Variants in GBP1 observed in about 807,000 individuals in gnomAD.
GBP1 encodes the protein guanylate-binding protein 1.
GBP1 carries 64 observed loss-of-function variants against 69.5 expected under a neutral mutation model. The ratio of observed to expected loss-of-function variants is 0.92; its 90% CI spans 0.75 to 1.13. The LOEUF (loss-of-function observed/expected upper bound fraction) is 1.13. GBP1 is among the 50% of genes most tolerant of loss of function. The pLI is 0.00. For synonymous variants in GBP1, 250 were observed against 261.2 expected (o/e 0.96, Z 0.41); for missense variants, 630 against 704.1 (o/e 0.89, Z 1.19).
At position 89,053,591 on chromosome 1, in the gene GBP1, T is replaced by G. The variant is rs1679971535; in HGVS notation, c.1666-123A>C. ...CTCTGAGTCACGCAAGACGTAAATG[T>G]CATACTTTGGCCTATCATTGACCAA... is the stretch of plus-strand genomic sequence containing the variant. On this transcript the variant is annotated intron_variant, in intron 10 of 10. Coordinates refer to ENST00000370473, the MANE Select transcript of GBP1 (RefSeq NM_002053.3). 3.5e-6 allele frequency: 5 copies of G among 1,439,636 alleles called. No homozygotes were observed. In the Admixed American group the frequency reaches 1.3e-4, roughly 38 times the overall value. 89.2% of individuals were successfully genotyped at this position (1,439,636 alleles called of 1,614,324 possible). A position where few individuals can be genotyped will look rare whatever the true frequency, so the allele number is the denominator to read the frequency against.
At chr1:89,057,284 C>T in intron 6 of GBP1, 150 bp from the exon 7 acceptor site, 1 of 1,132,454 alleles carries the variant, frequency 8.8e-7, no homozygotes, top group Non-Finnish European at 1.2e-6. Flanking sequence ...GACTCTCAGA[C>T]CCTGTCCGAG....
At chr1:89,060,432 A>ACAC (rs1680151817) in intron 2 of GBP1, 108 bp from the exon 3 acceptor site, 1 of 994,826 alleles carries the variant, frequency 1.0e-6, no homozygotes, top group African/African-American at 1.7e-5. Context: ...TGAAACAACA[A>ACAC]TCAGTATTCA....
rs778412140 is a variant in GBP1, at chr1:89,059,320, A to G, written c.425T>C (p.Leu142Pro). 1 of 1,614,154 alleles carries G rather than the reference A, an allele frequency of 6.2e-7. No individual in the cohort carries two copies. The highest frequency in any genetic ancestry group is 1.1e-5 in the South Asian group (1 of 91,086). Residue 142 changes from leucine (L) to proline (P), a missense_variant, in exon 4 of 11, where the codon CTG becomes CCG. By Grantham distance (98) the Leu-to-Pro change is moderately conservative (BLOSUM62 -3). Coordinates refer to ENST00000370473, the MANE Select transcript of GBP1 (RefSeq NM_002053.3). ...GTTCTGGGTCACAAAAGGATACTAC[A>G]GTTGGTCCATAGCCTGCTGGTTGAT... is the stretch of plus-strand genomic sequence containing the variant. ...GTINQQAMDQ[L>P]YYVTELTHRI... is the part of the protein sequence containing the mutation.
chr1:89,058,801 GT>G (rs1391493964), intron 5 of GBP1, 39 bp downstream of exon 5: 49 of 1,597,544 alleles, frequency 3.1e-5, no homozygotes, highest in Non-Finnish European at 3.9e-5. Flanking sequence ...AATTTCTTGT[GT>G]TTTCTCATCC....
intron 6 of GBP1, 116 bp from the exon 7 acceptor site, chr1:89,057,250 T>C: frequency 7.1e-7 from 1 of 1,400,712 alleles, no homozygotes; most frequent in Non-Finnish European, 9.7e-7. Flanking sequence ...GTCCTCAGCA[T>C]CACTTGGAAG....
chr1:89,064,240 T>TGTGAGAGAGA (rs1243424526), intron 1 of GBP1, among the ~76,000 whole-genome samples: 11 of 100,068 alleles, frequency 1.1e-4, no homozygotes, highest in Non-Finnish European at 1.4e-4. Flanking sequence ...TGTGTGTGTG[T>TGTGAGAGAGA]GAGAGAGAGA....
rs1680114699 is a variant in GBP1 at position 89,059,007 on chromosome 1, T to C, written c.465A>G (p.Lys155=). 1.9e-6 allele frequency: 3 copies of C among 1,614,120 alleles called. No individual in the cohort carries two copies. Among genetic ancestry groups the C allele is most frequent in the Non-Finnish European group, 2.5e-6 (3 of 1,180,016 alleles). The change falls in exon 5 of 11, where the codon AAA becomes AAG. Residue 155 remains lysine (K), a synonymous_variant. Coordinates refer to ENST00000370473, the MANE Select transcript of GBP1 (RefSeq NM_002053.3). The part of the protein sequence containing the change: ...VTELTHRIRS[K]SSPDENENEV... Reference sequence around the variant, plus strand: ...CATTCTCATTCTCATCAGGTGAGGATTTTGATCGGATTCTATGTGTCAGCT... The same window carrying C: ...CATTCTCATTCTCATCAGGTGAGGACTTTGATCGGATTCTATGTGTCAGCT...
At chr1:89,058,557 T>A in intron 5 of GBP1, 2 of 551,638 alleles carry the variant, frequency 3.6e-6, no homozygotes, top group Non-Finnish European at 3.2e-6. Context: ...TACTCCATAC[T>A]CTATGGCTAA....
At chr1:89,059,200 T>G (rs900950169) in intron 4 of GBP1, 117 bp downstream of exon 4, 1 of 1,603,948 alleles carries the variant, frequency 6.2e-7, no homozygotes. Context: ...TGTACTTGCA[T>G]TATTTTTTGT....
In GBP1 at chr1:89,058,862, A is replaced by G. The variant is rs768500764; in HGVS notation, c.610T>C (p.Tyr204His). The G allele has an allele frequency of 4.3e-6, 7 of 1,614,070 alleles. No individual in the cohort carries two copies. The highest frequency in any genetic ancestry group is 5.9e-6 in the Non-Finnish European group (7 of 1,180,030). The change falls in exon 5 of 11, where the codon TAC becomes CAC. Residue 204 changes from tyrosine (Y) to histidine (H), a missense_variant. Tyr to His is a moderately conservative substitution (Grantham distance 83, BLOSUM62 2). Around this residue, in one of 5 missense-constraint regions of GBP1, gnomAD observed 367 missense variants for 369.5 expected, o/e 0.99. Coordinates refer to ENST00000370473, the MANE Select transcript of GBP1 (RefSeq NM_002053.3). ...TTACCTTTCTTCAGCTTCAGGGAGTATGTCAGGTACTCATCTGGTGTGAGG... is the reference window on the plus strand; with the variant it reads ...TTACCTTTCTTCAGCTTCAGGGAGTGTGTCAGGTACTCATCTGGTGTGAGG... ...QPLTPDEYLT[Y>H]SLKLKKGTSQ...
At chr1:89,054,905 G>A (rs933240267) in intron 9 of GBP1, 30 bp from the exon 10 acceptor site, 1 of 1,605,732 alleles carries the variant, frequency 6.2e-7, no homozygotes, top group South Asian at 1.1e-5. Context: ...AGAAAAATTT[G>A]TGTGGGGTTA....
At chr1:89,060,449 G>C (rs574737249) in intron 2 of GBP1, 125 bp from the exon 3 acceptor site, 1 of 768,460 alleles carries the variant, frequency 1.3e-6, no homozygotes, top group Admixed American at 3.9e-5. Flanking sequence ...TTCACCTTAC[G>C]TACTTACAAT....
chr1:89,063,324 C>A, intron 1 of GBP1, 71 bp from the exon 2 acceptor site: 3 of 1,427,068 alleles, frequency 2.1e-6, no homozygotes, highest in Admixed American at 4.1e-5. Context: ...TCATAAGATT[C>A]CCCAGTATGG....
chr1:89,059,232 C>T (rs1680119996), intron 4 of GBP1, 85 bp downstream of exon 4: 3 of 1,613,402 alleles, frequency 1.9e-6, no homozygotes, highest in Admixed American at 3.3e-5. Context: ...GAGCTTGATT[C>T]ATCAGGATTC....
chr1:89,057,584 C>G (rs1680077977), intron 6 of GBP1, among the ~76,000 whole-genome samples: 1 of 152,216 alleles, frequency 6.6e-6, no homozygotes, highest in South Asian at 2.1e-4. Context: ...TTCAAAAGCG[C>G]TTTCTGTAAT....
rs1299989273 is a variant in GBP1 at position 89,056,989 on chromosome 1, G to T, written c.1020C>A (p.Gly340=). Residue 340 remains glycine (G), a synonymous_variant, in exon 7 of 11, where the codon GGC becomes GGA. Coordinates refer to ENST00000370473, the MANE Select transcript of GBP1 (RefSeq NM_002053.3). ...KAIAHYEQQM[G]QKVQLPTETL... ...TTTCTGTGGGCAGCTGCACCTTCTG[G>T]CCCATCTGCTGTTCATAGTGGGCAA... The T allele has an allele frequency of 6.2e-7, 1 of 1,614,172 alleles. No individual in the cohort carries two copies. Among genetic ancestry groups the T allele is most frequent in the Non-Finnish European group, 8.5e-7 (1 of 1,180,024 alleles).
chr1:89,064,199 ATG>A (rs759907157), intron 1 of GBP1, among the ~76,000 whole-genome samples: 2,558 of 100,652 alleles, frequency 0.025, 65 homozygotes, highest in East Asian at 0.071. Context: ...GGGGCTGGGA[ATG>A]TGTGTGTGTG....
chr1:89,060,405 A>T, intron 2 of GBP1, 81 bp from the exon 3 acceptor site: 1 of 1,263,186 alleles, frequency 7.9e-7, no homozygotes, highest in Non-Finnish European at 1.1e-6. Context: ...AGTATATTTA[A>T]GGTTAAGAGA....
Position 89,056,930 on chromosome 1 carries a change from C to T in GBP1, c.1079G>A (p.Ser360Asn). Residue 360 changes from serine (S) to asparagine (N), a missense_variant, in exon 7 of 11, where the codon AGT (serine) becomes AAT (asparagine). By Grantham distance (46) the Ser-to-Asn change is conservative. Around this residue, in one of 5 missense-constraint regions of GBP1, gnomAD observed 367 missense variants for 369.5 expected, o/e 0.99. Coordinates refer to ENST00000370473, the MANE Select transcript of GBP1 (RefSeq NM_002053.3). ...GAAGACTTCAATGGCCTCTCTCTCA[C>T]TGTCCCTGTGCAGGTCCAGCAGCTC... ...LQELLDLHRD[S>N]EREAIEVFIR... The T allele has an allele frequency of 6.2e-7, 1 of 1,614,262 alleles. No homozygotes were observed. The highest frequency in any genetic ancestry group is 1.1e-5 in the South Asian group (1 of 91,090).
Sources: allele counts gnomAD v4.1 joint callset (sites outside exome capture counted in the v4.1 genomes callset), GRCh38; gene constraint gnomAD v4.1.1; regional missense constraint gnomAD v4.1.1; transcripts MANE v1.5; gene names NCBI Gene and HGNC (gene_info 2026-07-23, HGNC 2026-07-21).